The following PPFIA2 variants were observed in gnomAD, a reference collection of about 807,000 sequenced individuals.
PPFIA2 encodes the protein liprin-alpha-2.
Under a neutral mutation model 175.5 loss-of-function variants are expected in PPFIA2, and 46 were observed. That is an observed-to-expected ratio of 0.26 (90% CI 0.21 to 0.34). The LOEUF is 0.34. Among genes scored for constraint, PPFIA2 ranks in the 10% least tolerant of loss-of-function variants. The pLI is 1.00. For missense variants in PPFIA2, 1,179 were observed against 1,506.1 expected (o/e 0.78, Z 3.60); for synonymous variants, 568 against 511.4 (o/e 1.11, Z -1.49).
chr12:81,721,612 T>C (rs938164293), intron 3 of PPFIA2, among the ~76,000 whole-genome samples: 6 of 150,168 alleles, frequency 4.0e-5, no homozygotes, highest in Non-Finnish European at 7.4e-5. Flanking sequence ...CCCTCACCCC[T>C]GTTCCACCAC....
chr12:81,556,460 G>T (rs566131625), intron 4 of PPFIA2, among the ~76,000 whole-genome samples: 1 of 151,758 alleles, frequency 6.6e-6, no homozygotes, highest in African/African-American at 2.4e-5. Context: ...CACATTAGAA[G>T]ATGCAAAACT....
chr12:81,310,589 A>G (rs1233368187), intron 22 of PPFIA2, among the ~76,000 whole-genome samples: 1 of 152,164 alleles, frequency 6.6e-6, no homozygotes, highest in Non-Finnish European at 1.5e-5. Flanking sequence ...ATTAAAAATC[A>G]TTAGAAAACA....
intron 13 of PPFIA2, chr12:81,368,142 C>T: frequency 7.8e-7 from 1 of 1,288,230 alleles, no homozygotes; most frequent in Non-Finnish European, 1.0e-6. Context: ...GCTCTCATAA[C>T]TCTTGCTGGT....
At chr12:81,573,740 T>C (rs79933596) in intron 4 of PPFIA2, among the ~76,000 whole-genome samples, 1 of 151,876 alleles carries the variant, frequency 6.6e-6, no homozygotes, top group Non-Finnish European at 1.5e-5. Context: ...GGCTTCAAAA[T>C]TGTTAATTAA....
At chr12:81,496,231 T>C (rs1035397848) in intron 4 of PPFIA2, among the ~76,000 whole-genome samples, 29 of 152,178 alleles carry the variant, frequency 1.9e-4, no homozygotes, top group Non-Finnish European at 1.9e-4. Context: ...GATTCTTCAA[T>C]AGGCAAATCA....
intron 7 of PPFIA2, among the ~76,000 whole-genome samples, chr12:81,432,004 A>G (rs1031997570): frequency 1.2e-4 from 18 of 152,172 alleles, no homozygotes; most frequent in Admixed American, 1.2e-3. Context: ...CCCTACAATG[A>G]ATTCCTCCCT....
intron 4 of PPFIA2, among the ~76,000 whole-genome samples, chr12:81,541,621 AAT>A (rs1484907859): frequency 6.6e-6 from 1 of 152,166 alleles, no homozygotes; most frequent in African/African-American, 2.4e-5. Flanking sequence ...CTGCTCAACA[AAT>A]AGTTCTCTTT....
intron 4 of PPFIA2, among the ~76,000 whole-genome samples, chr12:81,639,540 TA>T (rs35082036): frequency 6.6e-6 from 1 of 150,528 alleles, no homozygotes; most frequent in Non-Finnish European, 1.5e-5. Flanking sequence ...ATCTACTCGG[TA>T]AAAAAAATAT....
At chr12:81,673,194 G>A (rs893732992) in intron 4 of PPFIA2, among the ~76,000 whole-genome samples, 2 of 151,992 alleles carry the variant, frequency 1.3e-5, no homozygotes, top group African/African-American at 2.4e-5. Context: ...CACAAGAAGG[G>A]ATCCTTCACA....
chr12:81,673,730 T>C (rs1003755951), intron 4 of PPFIA2, among the ~76,000 whole-genome samples: 5 of 152,052 alleles, frequency 3.3e-5, no homozygotes, highest in African/African-American at 1.2e-4. Flanking sequence ...ATTTATTTTC[T>C]AAAATAATTA....
At chr12:81,380,274 G>A (rs2141879089) in intron 9 of PPFIA2, among the ~76,000 whole-genome samples, 1 of 152,258 alleles carries the variant, frequency 6.6e-6, no homozygotes, top group Admixed American at 6.5e-5. Context: ...GCTGAGGTGA[G>A]AGGATTGCTT....
chr12:81,643,957 T>C (rs961810737), intron 4 of PPFIA2, among the ~76,000 whole-genome samples: 3 of 152,066 alleles, frequency 2.0e-5, no homozygotes, highest in African/African-American at 7.2e-5. Context: ...TCCCCAATTT[T>C]CGAAAGCAAA....
chr12:81,740,313 C>A (rs7955485), intron 3 of PPFIA2, among the ~76,000 whole-genome samples: 1,971 of 152,180 alleles, frequency 0.013, 39 homozygotes, highest in African/African-American at 0.044. Context: ...GCCTATGAAT[C>A]TTTTCTTAAA....
chr12:81,518,870 G>T (rs1324103567), intron 4 of PPFIA2, among the ~76,000 whole-genome samples: 6 of 151,996 alleles, frequency 3.9e-5, no homozygotes, highest in Non-Finnish European at 7.4e-5. Flanking sequence ...AATATTTTAG[G>T]TTAACTAGAA....
At chr12:81,422,249 C>T (rs1041750359) in intron 7 of PPFIA2, among the ~76,000 whole-genome samples, 2 of 151,168 alleles carry the variant, frequency 1.3e-5, no homozygotes, top group African/African-American at 4.9e-5. Context: ...CCTGTTACAC[C>T]TCTGCAAAGA....
chr12:81,394,133 G>A (rs994442309), intron 8 of PPFIA2, among the ~76,000 whole-genome samples: 7 of 151,954 alleles, frequency 4.6e-5, no homozygotes, highest in African/African-American at 1.7e-4. Context: ...ATCTTTTCAT[G>A]AATTGTAAAC....
chr12:81,266,871 G>T, intron 30 of PPFIA2, 81 bp downstream of exon 30: 1 of 959,580 alleles, frequency 1.0e-6, no homozygotes, highest in Non-Finnish European at 1.6e-6. Flanking sequence ...TAATTTCCAA[G>T]CACTATTCCT....
In PPFIA2 at chr12:81,706,790, C is replaced by A. The variant is rs557612052; in HGVS notation, c.250-29946G>T. Among the ~76,000 whole-genome samples the A allele has an allele frequency of 1.7e-3, 264 of 152,242 alleles. 1 individual carries two copies. The highest frequency in any genetic ancestry group is 6.2e-3 in the African/African-American group (257 of 41,536). ...AAACTATACTACAAGGCTACAGTAA[C>A]CAAAACAGCATGGTACTGGTACCAA... On this transcript the variant is annotated intron_variant, in intron 3 of 32. Transcript: ENST00000549396.
At chr12:81,607,855 C>T (rs933560897) in intron 4 of PPFIA2, among the ~76,000 whole-genome samples, 3 of 152,048 alleles carry the variant, frequency 2.0e-5, no homozygotes, top group Non-Finnish European at 4.4e-5. Context: ...TGAGAATGGA[C>T]ATCTTTGTCT....
Sources: allele counts gnomAD v4.1 joint callset (sites outside exome capture counted in the v4.1 genomes callset), GRCh38; gene constraint gnomAD v4.1.1; transcripts MANE v1.5; gene names NCBI Gene and HGNC (gene_info 2026-07-23, HGNC 2026-07-21).